The following APOB variants were observed in gnomAD, a reference collection of about 807,000 sequenced individuals.
APOB encodes the protein apolipoprotein B-100.
Under a neutral mutation model 314.1 loss-of-function variants are expected in APOB, and 153 were observed. The observed-to-expected ratio is 0.49, with a 90% CI of 0.43 to 0.56. The LOEUF (loss-of-function observed/expected upper bound fraction) is 0.56, where lower values mean the gene tolerates loss of function less well. Among genes scored for constraint, APOB ranks in the 20% least tolerant of loss-of-function variants. The pLI, the probability that APOB is intolerant of heterozygous loss-of-function variation, is 0.00. For synonymous variants in APOB, 2,087 were observed against 2,036.4 expected (o/e 1.02, Z -0.67); for missense variants, 5,430 against 5,350.7 (o/e 1.01, Z -0.46).
chr2:21,002,366 T>C lies in APOB; in HGVS notation c.13056A>G (p.Leu4352=), dbSNP rs776577420. Residue 4352 remains leucine, a synonymous_variant, in exon 29 of 29, where the codon CTA becomes CTG. Transcript: ENST00000233242. ...CATTGAACTTATGAAGATTAAGGCA[T>C]AGGTTTTCTTTCAACAATTTAAAAA... ...PYVFKLLKEN[L]CLNLHKFNEF... is the part of the protein sequence containing the mutation. The C allele has an allele frequency of 1.2e-6, 2 of 1,605,120 alleles. No individual in the cohort carries two copies. The highest frequency in any genetic ancestry group is 1.1e-5 in the South Asian group (1 of 89,054).
Position 21,006,898 on chromosome 2 carries a change from A to G in APOB, c.9970T>C (p.Cys3324Arg). The G allele has an allele frequency of 6.2e-7, 1 of 1,614,146 alleles. No individual in the cohort carries two copies. The part of the protein sequence containing the change: ...KLSLPDFKEL[C>R]TISHIFIPAM... The stretch of plus-strand genomic sequence containing the variant: ...GGAATAAAAATATGGCTTATGGTAC[A>G]CAATTCCTTGAAATCTGGAAGAGAA... The change falls in exon 26 of 29, where the codon TGT becomes CGT. Residue 3324 changes from cysteine (C) to arginine (R), a missense_variant. Physicochemically the swap from Cys to Arg is radical, Grantham distance 180. This residue lies in a region of APOB where 3,281 missense variants were observed against 3,171.0 expected (regional missense o/e 1.03). Transcript: ENST00000233242.
At chr2:21,026,617 A>G (rs1345022857) in intron 15 of APOB, among the ~76,000 whole-genome samples, 171 bp downstream of exon 15, 1 of 152,180 alleles carries the variant, frequency 6.6e-6, no homozygotes, top group Non-Finnish European at 1.5e-5. Flanking sequence ...TGAATTCAGG[A>G]GATCTTTAAC....
chr2:21,011,715 A>G lies in APOB; in HGVS notation c.5153T>C (p.Ile1718Thr), dbSNP rs1046688923. ...LSLGSAYQAMILGVDSKNIFN... is the reference protein window; with the variant it reads ...LSLGSAYQAMTLGVDSKNIFN... ...AATGTTTTTGCTGTCGACACCCAGA[A>G]TCATGGCCTGATAAGCACTTCCCAG... Residue 1718 changes from isoleucine (I) to threonine (T), a missense_variant, in exon 26 of 29, where the codon ATT (isoleucine) becomes ACT (threonine). By Grantham distance (89) the Ile-to-Thr change is moderately conservative. Coordinates refer to ENST00000233242, the MANE Select transcript of APOB (RefSeq NM_000384.3). The G allele has an allele frequency of 6.2e-7, 1 of 1,614,056 alleles. No individual in the cohort carries two copies. Among genetic ancestry groups the G allele is most frequent in the African/African-American group, 1.3e-5 (1 of 74,912 alleles).
At chr2:21,004,935 G>C in intron 26 of APOB, 145 bp downstream of exon 26, 1 of 1,121,856 alleles carries the variant, frequency 8.9e-7, no homozygotes, top group South Asian at 1.4e-5. Flanking sequence ...TTTACGTGTA[G>C]GGTATACATG....
intron 7 of APOB, among the ~76,000 whole-genome samples, 167 bp from the exon 8 acceptor site, chr2:21,035,068 G>T (rs1278754110): frequency 6.6e-6 from 1 of 152,150 alleles, no homozygotes; most frequent in African/African-American, 2.4e-5. Flanking sequence ...ACCTCTTCCT[G>T]GTCACGCTAG....
intron 16 of APOB, chr2:21,024,701 T>C (rs1295017687): frequency 1.5e-6 from 1 of 682,432 alleles, no homozygotes. Flanking sequence ...GATGAATAAA[T>C]TAATGCTCTT....
At position 21,011,851 on chromosome 2, in the gene APOB, C is replaced by T. The variant is rs762294547; in HGVS notation, c.5017G>A (p.Ala1673Thr). The T allele has an allele frequency of 6.2e-7, 1 of 1,613,980 alleles. No individual in the cohort carries two copies. Among genetic ancestry groups the T allele is most frequent in the Admixed American group, 1.7e-5 (1 of 60,022 alleles). Residue 1673 changes from alanine to threonine, a missense_variant, in exon 26 of 29, where the codon GCA (alanine) becomes ACA (threonine). By Grantham distance (58) the Ala-to-Thr change is moderately conservative. Around this residue, in one of 3 missense-constraint regions of APOB, gnomAD observed 2,085 missense variants for 2,079.7 expected, o/e 1.00. Transcript: ENST00000233242. ...SLLVLENELN[A>T]ELGLSGASMK... ...GATGCCCCAGAGAGGCCAAGCTCTG[C>T]ATTCAGCTCATTCTCCAGCACCAGG... is the stretch of plus-strand genomic sequence containing the variant.
At position 21,012,035 on chromosome 2, in the gene APOB, GA is replaced by G. The variant is rs1663338324; in HGVS notation, c.4832del (p.Phe1611SerfsTer9). 1 of 1,614,218 alleles carries G rather than the reference GA, an allele frequency of 6.2e-7. No homozygotes were observed. Among genetic ancestry groups the G allele is most frequent in the Non-Finnish European group, 8.5e-7 (1 of 1,180,044 alleles). ...TTAGTGATCCAGAAAGCAGGCTGAA[GA>G]ACCTCAATGACTCGTAATCAGCCTG... ...EYQADYESLR[F>X]FSLLSGSLNS... is the part of the protein sequence containing the mutation. On this transcript the variant is annotated frameshift_variant, in exon 26 of 29. Coordinates refer to ENST00000233242, the MANE Select transcript of APOB (RefSeq NM_000384.3). LOFTEE classifies it high-confidence loss of function.
At chr2:21,030,520 A>T (rs769993722) in intron 10 of APOB, among the ~76,000 whole-genome samples, 30 of 152,200 alleles carry the variant, frequency 2.0e-4, no homozygotes, top group Non-Finnish European at 3.5e-4. Context: ...CCTAGGGAAA[A>T]CTTCTCTGGA....
At position 21,002,064 on chromosome 2, in the gene APOB, C is replaced by T. The variant is rs768132227; in HGVS notation, c.13358G>A (p.Ser4453Asn). The change falls in exon 29 of 29, where the codon AGC (serine) becomes AAC (asparagine). Residue 4453 changes from serine to asparagine, a missense_variant. Transcript: ENST00000233242. ...TTTTCCATCTGGATCGGTAAGGATG[C>T]TAAGATATTCCTGAATATTTCTGTG... Reference protein sequence around the residue: ...FLHRNIQEYLSILTDPDGKGK... With the variant: ...FLHRNIQEYLNILTDPDGKGK... The T allele has an allele frequency of 4.3e-6, 7 of 1,613,960 alleles. No individual in the cohort carries two copies. In the South Asian group the frequency reaches 6.6e-5, roughly 15 times the overall value.
At chr2:21,031,058 A>C (rs1172572866) in intron 10 of APOB, among the ~76,000 whole-genome samples, 1 of 152,348 alleles carries the variant, frequency 6.6e-6, no homozygotes, top group Middle Eastern at 3.4e-3. Context: ...TTCTCAAAGA[A>C]CTAAAAATAG....
intron 21 of APOB, 23 bp from the exon 22 acceptor site, chr2:21,015,568 G>T: frequency 6.2e-7 from 1 of 1,607,894 alleles, no homozygotes. Flanking sequence ...AAATCAGTTG[G>T]CACCAATGAT....
rs1663131150 is a variant in APOB, at chr2:21,006,152, C to T, written c.10716G>A (p.Gln3572=). ...CGTTGGTGAAAAAGAGGCCCTCTAG[C>T]TGTAAGTGGTTTTTCGTACTGTGCT... ...LWEHSTKNHL[Q]LEGLFFTNGE... The change falls in exon 26 of 29, where the codon CAG becomes CAA. Residue 3572 remains glutamine (Q), a synonymous_variant. Coordinates refer to ENST00000233242, the MANE Select transcript of APOB (RefSeq NM_000384.3). 1 of 1,613,972 alleles carries T rather than the reference C, an allele frequency of 6.2e-7. No individual in the cohort carries two copies. Among genetic ancestry groups the T allele is most frequent in the Non-Finnish European group, 8.5e-7 (1 of 1,179,956 alleles).
Position 21,023,624 on chromosome 2 carries a change from G to C in APOB, c.2505C>G (p.Ala835=). The C allele has an allele frequency of 3.1e-6, 5 of 1,614,124 alleles. No homozygotes were observed. Among genetic ancestry groups the C allele is most frequent in the Non-Finnish European group, 4.2e-6 (5 of 1,179,998 alleles). Residue 835 remains alanine (A), a synonymous_variant, in exon 17 of 29, where the codon GCC becomes GCG. Coordinates refer to ENST00000233242, the MANE Select transcript of APOB (RefSeq NM_000384.3). ...ATCCAGCTCCAGTGGGGAGTTCAAA[G>C]GCATTCTCCATGAAGATGTAGTGAA... ...FFLHYIFMEN[A]FELPTGAGLQ...
chr2:21,008,716 T>C lies in APOB; in HGVS notation c.8152A>G (p.Ile2718Val), dbSNP rs767926940. Residue 2718 changes from isoleucine to valine, a missense_variant, in exon 26 of 29, where the codon ATT becomes GTT. Ile to Val is a conservative substitution (Grantham distance 29). Transcript: ENST00000233242. ...AGAGTTGGGATTATGAATTCTGGAATTGCGATTTCTGGTAAACGGAAGTCT... is the reference window on the plus strand; with the variant it reads ...AGAGTTGGGATTATGAATTCTGGAACTGCGATTTCTGGTAAACGGAAGTCT... ...LPDFRLPEIA[I>V]PEFIIPTLNL... 2 of 1,614,080 alleles carry C rather than the reference T, an allele frequency of 1.2e-6. No individual in the cohort carries two copies. Among genetic ancestry groups the C allele is most frequent in the African/African-American group, 1.3e-5 (1 of 75,026 alleles).
chr2:21,010,769 G>A lies in APOB; in HGVS notation c.6099C>T (p.Pro2033=), dbSNP rs774263741. 4 of 1,614,088 alleles carry A rather than the reference G, an allele frequency of 2.5e-6. No homozygotes were observed. The highest frequency in any genetic ancestry group is 2.2e-5 in the East Asian group (1 of 44,888). The part of the protein sequence containing the change: ...PIKVPLLLSE[P]INIIDALEMR... ...TCTCTAAAGCATCAATGATATTGAT[G>A]GGCTCACTGAGTAAAAGTGGCACTT... The change falls in exon 26 of 29, where the codon CCC becomes CCT. Residue 2033 remains proline (P), a synonymous_variant. Transcript: ENST00000233242.
Position 21,006,949 on chromosome 2 carries a change from G to C in APOB, c.9919C>G (p.Leu3307Val). 1 of 1,614,068 alleles carries C rather than the reference G, an allele frequency of 6.2e-7. No individual in the cohort carries two copies. Among genetic ancestry groups the C allele is most frequent in the Admixed American group, 1.7e-5 (1 of 60,014 alleles). Residue 3307 changes from leucine to valine, a missense_variant, in exon 26 of 29, where the codon CTT (leucine) becomes GTT (valine). By Grantham distance (32) the Leu-to-Val change is conservative. This residue lies in a region of APOB where 3,281 missense variants were observed against 3,171.0 expected (regional missense o/e 1.03). Transcript: ENST00000233242. Reference protein sequence around the residue: ...LILPSLELPVLHVPRNLKLSL... With the variant: ...LILPSLELPVVHVPRNLKLSL... The stretch of plus-strand genomic sequence containing the variant: ...AGCTTGAGATTTCTAGGGACATGAA[G>C]GACTGGCAGCTCTAATGATGGCAGG...
At chr2:21,029,560 C>A (rs773238705) in intron 12 of APOB, 79 bp downstream of exon 12, 6 of 1,501,270 alleles carry the variant, frequency 4.0e-6, no homozygotes, top group Non-Finnish European at 3.7e-6. Context: ...TAGATGAAAT[C>A]TAGAGTCTCA....
At chr2:21,037,458 G>T (rs999725567) in intron 5 of APOB, among the ~76,000 whole-genome samples, 1 of 152,124 alleles carries the variant, frequency 6.6e-6, no homozygotes, top group Non-Finnish European at 1.5e-5. Flanking sequence ...GTTAAAGGTG[G>T]GTCTGCAGAA....
Sources: gnomAD v4.1 joint callset for allele counts (sites outside exome capture counted in the v4.1 genomes callset) on GRCh38, gnomAD v4.1.1 for gene constraint, gnomAD v4.1.1 regional missense constraint, MANE v1.5 for transcripts, NCBI Gene and HGNC (gene_info 2026-07-23, HGNC 2026-07-21) for gene names.